ANKS1B: variants seen among roughly 807,000 people sequenced by gnomAD.
The protein encoded by ANKS1B is ankyrin repeat and sterile alpha motif domain-containing protein 1B.
Under a neutral mutation model 148.3 loss-of-function variants are expected in ANKS1B, and 36 were observed. The ratio of observed to expected loss-of-function variants is 0.24; its 90% CI spans 0.19 to 0.32. ANKS1B has a LOEUF of 0.32. ANKS1B is among the 10% of genes least tolerant of loss of function. The pLI is 1.00. For missense variants in ANKS1B, 1,157 were observed against 1,542.6 expected, an observed-to-expected ratio of 0.75 and a Z score of 4.19; for synonymous variants, 542 against 560.8, an observed-to-expected ratio of 0.97 and a Z score of 0.47.
intron 1 of ANKS1B, among the ~76,000 whole-genome samples, chr12:99,917,870 C>A (rs945459975): frequency 6.6e-6 from 1 of 152,240 alleles, no homozygotes; most frequent in Non-Finnish European, 1.5e-5. Context: ...TGTGAGGAAC[C>A]AGGCTGCACA....
rs151038704 is a variant in ANKS1B at position 98,876,272 on chromosome 12, C to A, written c.2779-44136G>T. Among the ~76,000 whole-genome samples, 255 of 152,088 alleles carry A rather than the reference C, an allele frequency of 1.7e-3. 2 individuals carry two copies. The highest frequency in any genetic ancestry group is 5.9e-3 in the African/African-American group (246 of 41,560). The stretch of plus-strand genomic sequence containing the variant: ...TCCCATGCCTTCATCCGTGCTGTTT[C>A]CTGTAACTGCTGGAAGTGCCCTTTA... On this transcript the variant is annotated intron_variant, in intron 17 of 26. Coordinates refer to ENST00000683438, the MANE Select transcript of ANKS1B (RefSeq NM_001352186.2).
At chr12:99,131,482 G>A (rs2153750236) in intron 15 of ANKS1B, among the ~76,000 whole-genome samples, 1 of 152,294 alleles carries the variant, frequency 6.6e-6, no homozygotes, top group South Asian at 2.1e-4. Flanking sequence ...GTGTCTGGGA[G>A]GCATCAACTA....
chr12:99,576,163 A>G (rs769200552), intron 9 of ANKS1B, among the ~76,000 whole-genome samples: 1 of 152,150 alleles, frequency 6.6e-6, no homozygotes, highest in Non-Finnish European at 1.5e-5. Context: ...ATGGCATTAC[A>G]TAATGAGAAA....
intron 14 of ANKS1B, among the ~76,000 whole-genome samples, chr12:99,213,309 C>A: frequency 6.6e-6 from 1 of 152,214 alleles, no homozygotes; most frequent in East Asian, 1.9e-4. Context: ...GTTTTTACCA[C>A]TTTTCAGCAC....
intron 8 of ANKS1B, among the ~76,000 whole-genome samples, chr12:99,660,363 C>CTTTTTTTTTTTTTTTT (rs71088137): frequency 9.1e-5 from 11 of 120,590 alleles, no homozygotes; most frequent in East Asian, 2.4e-4. Context: ...TTTTCTTTTT[C>CTTTTTTTTTTTTTTTT]TTTTTTTTTT....
At chr12:98,954,693 A>G (rs1410150576) in intron 17 of ANKS1B, among the ~76,000 whole-genome samples, 2 of 152,340 alleles carry the variant, frequency 1.3e-5, no homozygotes, top group Non-Finnish European at 2.9e-5. Context: ...GAGAAATATG[A>G]GAACAGATGA....
At chr12:99,289,381 A>G (rs562200321) in intron 12 of ANKS1B, among the ~76,000 whole-genome samples, 1 of 152,174 alleles carries the variant, frequency 6.6e-6, no homozygotes, top group East Asian at 1.9e-4. Context: ...AAATCAACAA[A>G]GAAATATCAT....
intron 14 of ANKS1B, among the ~76,000 whole-genome samples, chr12:99,194,831 C>T (rs2081199501): frequency 6.6e-6 from 1 of 151,784 alleles, no homozygotes; most frequent in Non-Finnish European, 1.5e-5. Flanking sequence ...CAAAATAATC[C>T]TGTGTGTATA....
intron 1 of ANKS1B, among the ~76,000 whole-genome samples, chr12:99,838,540 T>C (rs1384123478): frequency 3.9e-5 from 6 of 152,188 alleles, no homozygotes; most frequent in Admixed American, 2.0e-4. Flanking sequence ...TTTATATTTA[T>C]AGATATTAAC....
intron 14 of ANKS1B, among the ~76,000 whole-genome samples, chr12:99,202,905 A>AG (rs2082232470): frequency 6.6e-6 from 1 of 152,004 alleles, no homozygotes; most frequent in Non-Finnish European, 1.5e-5. Flanking sequence ...CTCCCTCTCC[A>AG]AGTGTCCTAC....
chr12:98,922,787 C>T (rs2099803230), intron 17 of ANKS1B, among the ~76,000 whole-genome samples: 2 of 152,222 alleles, frequency 1.3e-5, no homozygotes, highest in Admixed American at 1.3e-4. Context: ...GCATGAGCCA[C>T]TGTGCCTGGC....
chr12:99,590,254 C>A lies in ANKS1B; in HGVS notation c.1272+64813G>T, dbSNP rs921716395. Among the ~76,000 whole-genome samples, 173 of 130,312 alleles carry A rather than the reference C, an allele frequency of 1.3e-3. 1 individual carries two copies. The highest frequency in any genetic ancestry group is 5.0e-3 in the African/African-American group (163 of 32,456). The allele number at this position is 130,312 out of a possible 152,430, so 85.5% of individuals were successfully genotyped here. A position where few individuals can be genotyped will look rare whatever the true frequency, so the allele number is the denominator to read the frequency against. On this transcript the variant is annotated intron_variant, in intron 9 of 26. Transcript: ENST00000683438. ...TTAAAACATTCACTCACACCCACAC[C>A]CACCCACACACACACACACACACAC...
chr12:99,001,076 T>G (rs2099932711), intron 17 of ANKS1B, among the ~76,000 whole-genome samples: 1 of 152,136 alleles, frequency 6.6e-6, no homozygotes, highest in South Asian at 2.1e-4. Context: ...TTGTTTTTTT[T>G]GAATAGTGCT....
chr12:99,287,285 T>A (rs1374845040), intron 12 of ANKS1B, among the ~76,000 whole-genome samples: 2 of 152,088 alleles, frequency 1.3e-5, no homozygotes, highest in Non-Finnish European at 2.9e-5. Flanking sequence ...TTCCCCTGGA[T>A]CTCACCTAAG....
At chr12:99,366,599 G>A (rs1435546351) in intron 12 of ANKS1B, among the ~76,000 whole-genome samples, 1 of 152,062 alleles carries the variant, frequency 6.6e-6, no homozygotes, top group African/African-American at 2.4e-5. Flanking sequence ...TCGCTGGGAG[G>A]AAAGATGATC....
chr12:98,753,866 C>T (rs373223280), intron 25 of ANKS1B, among the ~76,000 whole-genome samples: 10 of 152,188 alleles, frequency 6.6e-5, no homozygotes, highest in African/African-American at 2.2e-4. Context: ...CCTCATCAAG[C>T]GCTCTGGGAG....
intron 17 of ANKS1B, among the ~76,000 whole-genome samples, chr12:98,939,204 G>A (rs2099830252): frequency 6.6e-6 from 1 of 152,182 alleles, no homozygotes; most frequent in South Asian, 2.1e-4. Flanking sequence ...GGATTAGTGC[G>A]TATGTTGTCA....
At chr12:99,698,528 A>G (rs989024090) in intron 8 of ANKS1B, among the ~76,000 whole-genome samples, 2 of 152,158 alleles carry the variant, frequency 1.3e-5, no homozygotes, top group South Asian at 2.1e-4. Context: ...ATTGAGGAAC[A>G]GACAGAATTT....
chr12:98,920,371 C>T (rs1027747089), intron 17 of ANKS1B, among the ~76,000 whole-genome samples: 3 of 152,140 alleles, frequency 2.0e-5, no homozygotes, highest in Non-Finnish European at 4.4e-5. Context: ...TTTCATGCTG[C>T]TGATAAAGAC....
Sources: allele counts gnomAD v4.1 joint callset (sites outside exome capture counted in the v4.1 genomes callset), GRCh38; gene constraint gnomAD v4.1.1; transcripts MANE v1.5; gene names NCBI Gene and HGNC (gene_info 2026-07-23, HGNC 2026-07-21).